The following NID1 variants were observed in gnomAD, a reference collection of about 807,000 sequenced individuals.
NID1 encodes nidogen-1.
A neutral mutation model predicts 130.6 loss-of-function variants in NID1; 76 were observed. That is an observed-to-expected ratio of 0.58 (90% CI 0.48 to 0.70). The LOEUF is 0.70. Among genes scored for constraint, NID1 ranks in the 30% least tolerant of loss-of-function variants. NID1 has a pLI of 0.00. For missense variants in NID1, 1,517 were observed against 1,664.8 expected (o/e 0.91, Z 1.54); for synonymous variants, 665 against 675.1 (o/e 0.98, Z 0.23).
In NID1 at chr1:235,991,074, G is replaced by A; in HGVS notation, c.2756-16C>T. On this transcript the variant is annotated splice_polypyrimidine_tract_variant and intron_variant, in intron 13 of 19. Coordinates refer to ENST00000264187, the MANE Select transcript of NID1 (RefSeq NM_002508.3). Reference sequence around the variant, plus strand: ...GTACTCAGACCTGCATGGCAGAGGGGGTCAGTGAGGGAGGCCCGTGTGCAC... The same window carrying A: ...GTACTCAGACCTGCATGGCAGAGGGAGTCAGTGAGGGAGGCCCGTGTGCAC... 6.4e-7 allele frequency: 1 copy of A among 1,557,842 alleles called. No individual in the cohort carries two copies. Among genetic ancestry groups the A allele is most frequent in the South Asian group, 1.2e-5 (1 of 80,776 alleles).
chr1:236,022,113 T>C (rs924259343), intron 9 of NID1, among the ~76,000 whole-genome samples: 5 of 151,428 alleles, frequency 3.3e-5, no homozygotes, highest in African/African-American at 1.2e-4. Context: ...CTACAAAAAA[T>C]ACAAAATTAG....
Position 235,980,477 on chromosome 1 carries a change from G to A in NID1, c.3385+19C>T. On this transcript the variant is annotated intron_variant, in intron 17 of 19. Transcript: ENST00000264187. ...AGGAGATTGAGACCCGCCCTGGACA[G>A]TGTCCAGCTTTCCATCACCTGCATC... The A allele has an allele frequency of 6.2e-7, 1 of 1,613,740 alleles. No individual in the cohort carries two copies.
At chr1:236,043,672 C>T (rs1659518877) in intron 3 of NID1, among the ~76,000 whole-genome samples, 1 of 152,146 alleles carries the variant, frequency 6.6e-6, no homozygotes, top group African/African-American at 2.4e-5. Flanking sequence ...GTGGTGGGCG[C>T]CTGTAGTCCC....
chr1:236,012,671 G>A (rs186785060), intron 11 of NID1, among the ~76,000 whole-genome samples: 142 of 151,884 alleles, frequency 9.3e-4, no homozygotes, highest in African/African-American at 3.4e-3. Context: ...TCATAAATGA[G>A]AGCTTCAAAA....
rs555273005 is a variant in NID1 at position 236,042,436 on chromosome 1, C to T, written c.753-144G>A. 116 of 1,082,538 alleles carry T rather than the reference C, an allele frequency of 1.1e-4. No individual in the cohort carries two copies. In the South Asian group the frequency reaches 1.4e-3, roughly 13 times the overall value. The allele number at this position is 1,082,538 out of a possible 1,614,324, so 67.1% of individuals were successfully genotyped here. On this transcript the variant is annotated intron_variant, in intron 3 of 19. Transcript: ENST00000264187. ...GACTGGAGAGTGGAAGGGCACTGGC[C>T]GTCATGTCTGGGCGTCATGTGGCTG...
At position 235,977,747 on chromosome 1, in the gene NID1, C is replaced by T. The variant is rs1657309568; in HGVS notation, c.*120G>A. The T allele has an allele frequency of 8.6e-7, 1 of 1,156,240 alleles. No homozygotes were observed. The highest frequency in any genetic ancestry group is 1.2e-6 in the Non-Finnish European group (1 of 804,362). The allele number at this position is 1,156,240 out of a possible 1,614,324, so 71.6% of individuals were successfully genotyped here. On this transcript the variant is annotated 3_prime_UTR_variant, in exon 20 of 20. Transcript: ENST00000264187. Reference sequence around the variant, plus strand: ...GAGGGAAAAGTTGTTGGGGCTCAGGCTGGGCTGGGTCTGGGCCTAGTGGCC... The same window carrying T: ...GAGGGAAAAGTTGTTGGGGCTCAGGTTGGGCTGGGTCTGGGCCTAGTGGCC...
chr1:235,988,924 G>A (rs905949796), intron 14 of NID1, among the ~76,000 whole-genome samples: 4 of 152,078 alleles, frequency 2.6e-5, no homozygotes, highest in Admixed American at 1.3e-4. Context: ...TGATGAAAAA[G>A]TTCTGGAGAT....
intron 7 of NID1, among the ~76,000 whole-genome samples, chr1:236,029,107 G>A (rs963861477): frequency 6.6e-6 from 1 of 151,962 alleles, no homozygotes; most frequent in African/African-American, 2.4e-5. Flanking sequence ...AGCCCAGGAG[G>A]CGGAGGTTGT....
At chr1:235,980,784 T>A in intron 16 of NID1, 131 bp from the exon 17 acceptor site, 2 of 985,440 alleles carry the variant, frequency 2.0e-6, no homozygotes, top group South Asian at 3.6e-5. Context: ...ACTGAAAGGA[T>A]CGAGAGGTGA....
chr1:236,034,462 A>C (rs1659194310), intron 5 of NID1, among the ~76,000 whole-genome samples: 1 of 151,844 alleles, frequency 6.6e-6, no homozygotes, highest in African/African-American at 2.4e-5. Flanking sequence ...AGAAAAAGGC[A>C]TGAAATACTG....
At chr1:236,048,523 T>C (rs887939746) in intron 2 of NID1, among the ~76,000 whole-genome samples, 167 bp downstream of exon 2, 1 of 152,070 alleles carries the variant, frequency 6.6e-6, no homozygotes, top group African/African-American at 2.4e-5. Flanking sequence ...GCAGATAAGC[T>C]TTTGGAGGTT....
chr1:236,026,014 G>C lies in NID1; in HGVS notation c.1866C>G (p.Asp622Glu), dbSNP rs772962484. The change falls in exon 8 of 20, where the codon GAC becomes GAG. Residue 622 changes from aspartate to glutamate, a missense_variant. Around this residue, in one of 3 missense-constraint regions of NID1, gnomAD observed 1,329 missense variants for 1,429.2 expected, o/e 0.93. Transcript: ENST00000264187. The stretch of plus-strand genomic sequence containing the variant: ...GGGTGCTGGGCAGGGCTGGCCGGGA[G>C]TCATCGTGGACGCATTCCTGGAAGG... ...TITFQECVHD[D>E]SRPALPSTQQ... 3.1e-6 allele frequency: 5 copies of C among 1,613,652 alleles called. No homozygotes were observed. The highest frequency in any genetic ancestry group is 3.4e-6 in the Non-Finnish European group (4 of 1,179,980).
intron 3 of NID1, among the ~76,000 whole-genome samples, chr1:236,044,847 A>AAAG (rs59798413): frequency 0.025 from 3,758 of 151,554 alleles, 118 homozygotes; most frequent in African/African-American, 0.075. Context: ...CCTTGAGATC[A>AAAG]AAGGAGATAG....
intron 11 of NID1, among the ~76,000 whole-genome samples, 171 bp downstream of exon 11, chr1:236,013,240 T>C (rs1475341146): frequency 6.6e-6 from 1 of 151,986 alleles, no homozygotes; most frequent in Non-Finnish European, 1.5e-5. Context: ...CAAAAGAAAA[T>C]GCATAGTTCA....
chr1:236,029,701 G>A lies in NID1; in HGVS notation c.1587C>T (p.Gly529=). The change falls in exon 7 of 20, where the codon GGC becomes GGT. Residue 529 remains glycine (G), a synonymous_variant. Transcript: ENST00000264187. The part of the protein sequence containing the change: ...QAEVTFVGHP[G]NLVIKQRFSG... Reference sequence around the variant, plus strand: ...TGAACCGCTGCTTAATGACCAGATTGCCCGGGTGCCCCACGAAGGTCACCT... The same window carrying A: ...TGAACCGCTGCTTAATGACCAGATTACCCGGGTGCCCCACGAAGGTCACCT... The A allele has an allele frequency of 8.1e-6, 13 of 1,614,138 alleles. No individual in the cohort carries two copies. Among genetic ancestry groups the A allele is most frequent in the Non-Finnish European group, 1.0e-5 (12 of 1,180,038 alleles).
At chr1:236,064,573 C>G in intron 1 of NID1, 1 of 399,420 alleles carries the variant, frequency 2.5e-6, no homozygotes, top group Non-Finnish European at 4.6e-6. Context: ...CAGCCCACAG[C>G]CGCCGGGGAG....
At chr1:235,985,355 G>GA (rs774727191) in intron 15 of NID1, 24 bp downstream of exon 15, 63 of 1,613,618 alleles carry the variant, frequency 3.9e-5, no homozygotes, top group Middle Eastern at 1.6e-4. Context: ...AACCAAAAAG[G>GA]AAAAATGATA....
intron 12 of NID1, among the ~76,000 whole-genome samples, chr1:236,002,198 C>T (rs373519505): frequency 7.2e-5 from 11 of 152,220 alleles, no homozygotes; most frequent in African/African-American, 2.4e-4. Flanking sequence ...AAGGGCTTGG[C>T]TGACATTAAA....
At chr1:236,020,869 G>A (rs1202485478) in intron 9 of NID1, among the ~76,000 whole-genome samples, 2 of 152,162 alleles carry the variant, frequency 1.3e-5, no homozygotes, top group African/African-American at 4.8e-5. Flanking sequence ...ACAAAAGCAA[G>A]TCTACATGCG....
Sources: allele counts gnomAD v4.1 joint callset (sites outside exome capture counted in the v4.1 genomes callset), GRCh38; gene constraint gnomAD v4.1.1; regional missense constraint gnomAD v4.1.1; transcripts MANE v1.5; gene names NCBI Gene and HGNC (gene_info 2026-07-23, HGNC 2026-07-21).